Variants in DNA2 observed in about 807,000 individuals in gnomAD.
DNA2 encodes DNA replication helicase/nuclease 2.
Under a neutral mutation model 119.1 loss-of-function variants are expected in DNA2, and 101 were observed. That is an observed-to-expected ratio of 0.85 (90% CI 0.72 to 1.00). The LOEUF (loss-of-function observed/expected upper bound fraction) is 1.00, where lower values mean the gene tolerates loss of function less well. DNA2 is among the 50% of genes least tolerant of loss of function. DNA2 has a pLI of 0.00. For missense variants in DNA2, 1,121 were observed against 1,255.5 expected, an observed-to-expected ratio of 0.89 and a Z score of 1.62; for synonymous variants, 366 against 424.4, an observed-to-expected ratio of 0.86 and a Z score of 1.69.
At position 68,465,652 on chromosome 10, in the gene DNA2, C is replaced by G; in HGVS notation, c.587+15G>C. 1 of 1,562,224 alleles carries G rather than the reference C, an allele frequency of 6.4e-7. No homozygotes were observed. Among genetic ancestry groups the G allele is most frequent in the Admixed American group, 1.9e-5 (1 of 52,132 alleles). ...TAATAAAATTATACCTGCAGTTCTT[C>G]TTATAACTACTTACATTTCCTTCAA... On this transcript the variant is annotated intron_variant, in intron 4 of 20. Coordinates refer to ENST00000358410, the MANE Select transcript of DNA2 (RefSeq NM_001080449.3).
intron 5 of DNA2, among the ~76,000 whole-genome samples, chr10:68,456,706 C>A (rs1039808397): frequency 6.6e-6 from 1 of 151,828 alleles, no homozygotes; most frequent in Non-Finnish European, 1.5e-5. Flanking sequence ...GCCACCATGC[C>A]CGGACCCCCT....
intron 4 of DNA2, chr10:68,461,575 T>C (rs1254437885): frequency 6.6e-6 from 1 of 152,072 alleles, no homozygotes; most frequent in Non-Finnish European, 1.5e-5. Context: ...ATGCCTGTAA[T>C]CTCAGCACTT....
intron 7 of DNA2, among the ~76,000 whole-genome samples, chr10:68,445,333 G>A (rs562670969): frequency 7.2e-5 from 11 of 152,116 alleles, no homozygotes; most frequent in African/African-American, 2.7e-4. Flanking sequence ...GATTGGTGGC[G>A]CATGACTGTA....
At chr10:68,445,859 G>A (rs1334509915) in intron 7 of DNA2, among the ~76,000 whole-genome samples, 2 of 152,116 alleles carry the variant, frequency 1.3e-5, no homozygotes, top group Non-Finnish European at 1.5e-5. Context: ...AGGTACAGTG[G>A]CTCATGCCTG....
At chr10:68,424,312 C>T (rs1381054501) in intron 14 of DNA2, among the ~76,000 whole-genome samples, 1 of 151,894 alleles carries the variant, frequency 6.6e-6, no homozygotes, top group African/African-American at 2.4e-5. Flanking sequence ...GAGACCAGCC[C>T]GAGCAACACA....
chr10:68,465,201 G>C (rs2052312909), intron 4 of DNA2, among the ~76,000 whole-genome samples: 2 of 150,830 alleles, frequency 1.3e-5, no homozygotes. Context: ...TGTATTTTTA[G>C]TAGAGACGGG....
At chr10:68,423,200 T>C (rs2051689728) in intron 14 of DNA2, among the ~76,000 whole-genome samples, 1 of 151,986 alleles carries the variant, frequency 6.6e-6, no homozygotes, top group South Asian at 2.1e-4. Context: ...TTGTTTAATG[T>C]CAACCAGGAC....
At position 68,417,406 on chromosome 10, in the gene DNA2, A is replaced by AAC. The variant is rs1554902611; in HGVS notation, c.2968-552_2968-551insGT. Among the ~76,000 whole-genome samples the AAC allele has an allele frequency of 4.6e-5, 7 of 151,008 alleles. No homozygotes were observed. The South Asian group carries it at 1.0e-3, about 23-fold the overall frequency. On this transcript the variant is annotated intron_variant, in intron 19 of 20. Transcript: ENST00000358410. ...ATAAGAAAACCAAAAAAAAAAAAAA[A>AAC]AAAAAACACTATTTGGGAGGACAAG... is the stretch of plus-strand genomic sequence containing the variant.
intron 19 of DNA2, among the ~76,000 whole-genome samples, chr10:68,418,617 G>A (rs1160974453): frequency 6.6e-6 from 1 of 150,938 alleles, no homozygotes; most frequent in Non-Finnish European, 1.5e-5. Flanking sequence ...TAAAGGCCAT[G>A]GTGTATGTTG....
At chr10:68,460,019 T>G (rs1346432745) in intron 4 of DNA2, among the ~76,000 whole-genome samples, 1 of 120,954 alleles carries the variant, frequency 8.3e-6, no homozygotes, top group Non-Finnish European at 1.7e-5. Context: ...AGAGCAAGAC[T>G]CCATCACAAA....
At chr10:68,421,044 T>C (rs2051658187) in intron 17 of DNA2, among the ~76,000 whole-genome samples, 1 of 151,850 alleles carries the variant, frequency 6.6e-6, no homozygotes, top group Non-Finnish European at 1.5e-5. Context: ...GTTCAAGCGA[T>C]TCTCCTGCCT....
intron 14 of DNA2, among the ~76,000 whole-genome samples, chr10:68,427,921 T>C (rs1205557688): frequency 6.6e-6 from 1 of 151,394 alleles, no homozygotes; most frequent in East Asian, 1.9e-4. Flanking sequence ...TAATCCTAGC[T>C]ACTCAGGAGG....
intron 4 of DNA2, among the ~76,000 whole-genome samples, chr10:68,465,346 C>T (rs898076587): frequency 6.6e-6 from 1 of 152,120 alleles, no homozygotes; most frequent in African/African-American, 2.4e-5. Context: ...CCAGTTTCAT[C>T]TTCTTCCCAA....
intron 5 of DNA2, among the ~76,000 whole-genome samples, chr10:68,457,048 G>C (rs541936670): frequency 3.3e-5 from 5 of 151,642 alleles, no homozygotes; most frequent in Non-Finnish European, 4.4e-5. Flanking sequence ...GCAGGAGAAT[G>C]GCGTGAACCC....
At chr10:68,455,982 C>T (rs1353232517) in intron 5 of DNA2, among the ~76,000 whole-genome samples, 1 of 152,082 alleles carries the variant, frequency 6.6e-6, no homozygotes, top group Non-Finnish European at 1.5e-5. Context: ...CTTTGGGAGG[C>T]CAAGGCAGGA....
At chr10:68,449,899 A>C (rs971456166) in intron 6 of DNA2, 129 bp downstream of exon 6, 3 of 645,936 alleles carry the variant, frequency 4.6e-6, no homozygotes, top group Non-Finnish European at 7.9e-6. Flanking sequence ...GCATGAACCC[A>C]GGAGGCGGAG....
At chr10:68,431,473 G>A (rs1452591398) in intron 13 of DNA2, among the ~76,000 whole-genome samples, 2 of 151,702 alleles carry the variant, frequency 1.3e-5, no homozygotes, top group South Asian at 2.1e-4. Context: ...TTAGTAGAGA[G>A]GGGGTTTCAC....
chr10:68,462,584 T>G (rs778453275), intron 4 of DNA2, among the ~76,000 whole-genome samples: 1 of 152,158 alleles, frequency 6.6e-6, no homozygotes, highest in Non-Finnish European at 1.5e-5. Flanking sequence ...TTATTCCAGT[T>G]CCTTCTTTAT....
intron 9 of DNA2, among the ~76,000 whole-genome samples, chr10:68,441,977 G>A (rs2051974960): frequency 6.6e-6 from 1 of 151,764 alleles, no homozygotes; most frequent in South Asian, 2.1e-4. Context: ...ACCCAGGCTG[G>A]AGTGCAGTGG....
Sources: gnomAD v4.1 joint callset for allele counts (sites outside exome capture counted in the v4.1 genomes callset) on GRCh38, gnomAD v4.1.1 for gene constraint, MANE v1.5 for transcripts, NCBI Gene and HGNC (gene_info 2026-07-23, HGNC 2026-07-21) for gene names.